Variants in ARHGAP31 observed in about 807,000 individuals in gnomAD.
ARHGAP31 encodes Rho GTPase activating protein 31, also known as rho GTPase-activating protein 31.
A neutral mutation model predicts 113.9 loss-of-function variants in ARHGAP31; 34 were observed. The ratio of observed to expected loss-of-function variants is 0.30; its 90% CI spans 0.23 to 0.40. The LOEUF is 0.40. Ranked by LOEUF, ARHGAP31 falls within the 10% of genes least tolerant of loss-of-function variation. The pLI, the probability that ARHGAP31 is intolerant of heterozygous loss-of-function variation, is 1.00. For missense variants in ARHGAP31, 1,548 were observed against 1,767.1 expected, an observed-to-expected ratio of 0.88 and a Z score of 2.22; for synonymous variants, 650 against 684.8, an observed-to-expected ratio of 0.95 and a Z score of 0.79.
At chr3:119,378,494 G>A (rs1426628091) in intron 3 of ARHGAP31, among the ~76,000 whole-genome samples, 4 of 152,080 alleles carry the variant, frequency 2.6e-5, no homozygotes, top group African/African-American at 9.7e-5. Context: ...CTTTCCATGA[G>A]GGTTGTTAAA....
At chr3:119,326,018 C>T (rs370413098) in intron 1 of ARHGAP31, among the ~76,000 whole-genome samples, 2 of 152,124 alleles carry the variant, frequency 1.3e-5, no homozygotes, top group East Asian at 1.9e-4. Context: ...TGGTGAAACC[C>T]GGTCTCTACT....
intron 1 of ARHGAP31, among the ~76,000 whole-genome samples, chr3:119,348,618 T>C (rs2080083402): frequency 6.6e-6 from 1 of 152,240 alleles, no homozygotes; most frequent in Non-Finnish European, 1.5e-5. Flanking sequence ...ATGTAATCTA[T>C]GCACATCCTC....
chr3:119,415,366 C>T lies in ARHGAP31; in HGVS notation c.3437C>T (p.Thr1146Ile). 6.2e-7 allele frequency: 1 copy of T among 1,614,044 alleles called. No individual in the cohort carries two copies. The highest frequency in any genetic ancestry group is 1.1e-5 in the South Asian group (1 of 91,082). The change falls in exon 12 of 12, where the codon ACC (threonine) becomes ATC (isoleucine). Residue 1146 changes from threonine (T) to isoleucine (I), a missense_variant. By Grantham distance (89) the Thr-to-Ile change is moderately conservative. Transcript: ENST00000264245. ...EPGDPKVTWM[T>I]SSYCKADPWR... ...GGAGACCCAAAGGTCACATGGATGA[C>T]CTCATCTTACTGTAAAGCAGACCCC...
At chr3:119,381,893 A>C (rs897122194) in intron 4 of ARHGAP31, among the ~76,000 whole-genome samples, 1 of 151,390 alleles carries the variant, frequency 6.6e-6, no homozygotes, top group Non-Finnish European at 1.5e-5. Context: ...GGATGAGGCC[A>C]GAGAATGGCG....
chr3:119,399,574 G>A (rs1366323877), intron 9 of ARHGAP31, among the ~76,000 whole-genome samples: 1 of 152,252 alleles, frequency 6.6e-6, no homozygotes, highest in African/African-American at 2.4e-5. Context: ...ACCTAAGGCA[G>A]AAGAGTCTTC....
Position 119,414,768 on chromosome 3 carries a change from C to G in ARHGAP31, c.2839C>G (p.Pro947Ala). The G allele has an allele frequency of 1.2e-6, 2 of 1,614,230 alleles. No homozygotes were observed. The highest frequency in any genetic ancestry group is 1.7e-6 in the Non-Finnish European group (2 of 1,180,034). Reference sequence around the variant, plus strand: ...GTTGGAGAAGAGGCTTTCCCACAGGCCCAGCCTTCGCCAGAGCCATTCTCT... The same window carrying G: ...GTTGGAGAAGAGGCTTTCCCACAGGGCCAGCCTTCGCCAGAGCCATTCTCT... ...HQLEKRLSHR[P>A]SLRQSHSLDS... The change falls in exon 12 of 12, where the codon CCC (proline) becomes GCC (alanine). Residue 947 changes from proline to alanine, a missense_variant. By Grantham distance (27) the Pro-to-Ala change is conservative. Transcript: ENST00000264245.
chr3:119,348,427 C>T (rs2080081204), intron 1 of ARHGAP31, among the ~76,000 whole-genome samples: 1 of 152,162 alleles, frequency 6.6e-6, no homozygotes, highest in African/African-American at 2.4e-5. Flanking sequence ...TTTATGACTG[C>T]CTCCTCCTAT....
intron 11 of ARHGAP31, among the ~76,000 whole-genome samples, 200 bp downstream of exon 11, chr3:119,409,976 A>G (rs2107644864): frequency 6.6e-6 from 1 of 152,320 alleles, no homozygotes; most frequent in African/African-American, 2.4e-5. Flanking sequence ...AGTGATGGGG[A>G]GGAAACATCC....
In ARHGAP31 at chr3:119,419,292, C is replaced by T. The variant is rs1027186103; in HGVS notation, c.*3028C>T. On this transcript the variant is annotated 3_prime_UTR_variant, in exon 12 of 12. Coordinates refer to ENST00000264245, the MANE Select transcript of ARHGAP31 (RefSeq NM_020754.4). Reference sequence around the variant, plus strand: ...GCAGTGAAACGCATGCATGTACTGACGTTTTCTTTCAGCATTAGTGGTTGC... The same window carrying T: ...GCAGTGAAACGCATGCATGTACTGATGTTTTCTTTCAGCATTAGTGGTTGC... 2.0e-5 allele frequency: 3 copies of T among 152,296 alleles called. No individual in the cohort carries two copies. The highest frequency in any genetic ancestry group is 1.3e-4 in the Admixed American group (2 of 15,294). 9.4% of individuals were successfully genotyped at this position (152,296 alleles called of 1,614,324 possible).
chr3:119,387,001 A>G (rs2080456825), intron 6 of ARHGAP31, among the ~76,000 whole-genome samples: 1 of 152,212 alleles, frequency 6.6e-6, no homozygotes, highest in Non-Finnish European at 1.5e-5. Flanking sequence ...ACAGCATCAC[A>G]GGGAGATGGT....
chr3:119,319,909 A>G (rs2079767027), intron 1 of ARHGAP31, among the ~76,000 whole-genome samples: 1 of 152,156 alleles, frequency 6.6e-6, no homozygotes, highest in Non-Finnish European at 1.5e-5. Context: ...AAAAGCCCAC[A>G]CAAGGTGAGA....
At chr3:119,301,995 A>T (rs910924170) in intron 1 of ARHGAP31, among the ~76,000 whole-genome samples, 8 of 152,192 alleles carry the variant, frequency 5.3e-5, no homozygotes, top group Non-Finnish European at 1.2e-4. Flanking sequence ...AGGAACAGGG[A>T]GTTAGCTTTC....
At chr3:119,314,694 A>G in intron 1 of ARHGAP31, 1 of 152,342 alleles carries the variant, frequency 6.6e-6, no homozygotes, top group East Asian at 1.9e-4. Context: ...GGAGGTCAGG[A>G]TTGTCTTCAT....
At chr3:119,325,470 A>G (rs1338390528) in intron 1 of ARHGAP31, among the ~76,000 whole-genome samples, 2 of 152,218 alleles carry the variant, frequency 1.3e-5, no homozygotes, top group Non-Finnish European at 2.9e-5. Flanking sequence ...ACCTAAGGCC[A>G]CACTGCTGGG....
At chr3:119,337,030 A>G (rs2079957807) in intron 1 of ARHGAP31, among the ~76,000 whole-genome samples, 1 of 152,230 alleles carries the variant, frequency 6.6e-6, no homozygotes, top group African/African-American at 2.4e-5. Context: ...CTATGGATAT[A>G]CCACAGTTTA....
chr3:119,384,433 C>T (rs948956659), intron 6 of ARHGAP31, among the ~76,000 whole-genome samples: 7 of 152,204 alleles, frequency 4.6e-5, no homozygotes, highest in Admixed American at 2.0e-4. Flanking sequence ...AACAGAATAC[C>T]GTAGACTGGG....
Position 119,416,322 on chromosome 3 carries a change from G to A in ARHGAP31, c.*58G>A. Reference sequence around the variant, plus strand: ...CGTGATTCATCTGGAAGTTATTACAGGGCCAGCTTGCCATATTCCAGGCAC... The same window carrying A: ...CGTGATTCATCTGGAAGTTATTACAAGGCCAGCTTGCCATATTCCAGGCAC... On this transcript the variant is annotated 3_prime_UTR_variant, in exon 12 of 12. Transcript: ENST00000264245. 1 of 1,603,874 alleles carries A rather than the reference G, an allele frequency of 6.2e-7. No homozygotes were observed.
At chr3:119,349,204 A>G (rs975485224) in intron 1 of ARHGAP31, among the ~76,000 whole-genome samples, 1 of 152,206 alleles carries the variant, frequency 6.6e-6, no homozygotes, top group Non-Finnish European at 1.5e-5. Flanking sequence ...AAATTGAGGA[A>G]GAGGCCAATG....
intron 8 of ARHGAP31, among the ~76,000 whole-genome samples, chr3:119,397,643 A>G (rs1303163546): frequency 1.3e-5 from 2 of 152,242 alleles, no homozygotes; most frequent in East Asian, 3.9e-4. Context: ...GGCCCCAGAA[A>G]GAGAGAAGCC....
Sources: allele counts gnomAD v4.1 joint callset (sites outside exome capture counted in the v4.1 genomes callset), GRCh38; gene constraint gnomAD v4.1.1; transcripts MANE v1.5; gene names NCBI Gene and HGNC (gene_info 2026-07-23, HGNC 2026-07-21).